Variants in FSTL5 observed in about 807,000 individuals in gnomAD.
FSTL5 encodes follistatin-related protein 5.
A neutral mutation model predicts 89.1 loss-of-function variants in FSTL5; 62 were observed. The observed-to-expected ratio is 0.70, with a 90% CI of 0.57 to 0.86. The LOEUF is 0.86. FSTL5 is among the 40% of genes least tolerant of loss of function. The pLI, the probability that FSTL5 is intolerant of heterozygous loss-of-function variation, is 0.00. For synonymous variants in FSTL5, 383 were observed against 346.2 expected, an observed-to-expected ratio of 1.11 and a Z score of -1.18; for missense variants, 1,057 against 1,001.6, an observed-to-expected ratio of 1.06 and a Z score of -0.75.
At chr4:161,825,762 T>C (rs1434449165) in intron 4 of FSTL5, among the ~76,000 whole-genome samples, 1 of 152,158 alleles carries the variant, frequency 6.6e-6, no homozygotes, top group Non-Finnish European at 1.5e-5. Context: ...TTTGAGCTTA[T>C]TTGGATCTTC....
rs201679037 is a variant in FSTL5 at position 161,416,856 on chromosome 4, A to AG, written c.1842-30408_1842-30407insC. 6.3e-3 allele frequency among the ~76,000 whole-genome samples: 946 copies of AG among 150,580 alleles called. 60 individuals carry two copies. Among genetic ancestry groups the AG allele is most frequent in the Admixed American group, 0.058 (873 of 15,010 alleles). On this transcript the variant is annotated intron_variant, in intron 15 of 15. Transcript: ENST00000306100. ...CGAGACTCCATCTCAAAAAAAAAAAAAAAAAGAAAGATTCTTCATGAAACC... is the reference window on the plus strand; with the variant it reads ...CGAGACTCCATCTCAAAAAAAAAAAAGAAAAAGAAAGATTCTTCATGAAACC...
At position 161,686,324 on chromosome 4, in the gene FSTL5, ATATATATATATATATATATATATTTTTT is replaced by A. The variant is rs1251964040; in HGVS notation, c.728-29858_728-29831del. On this transcript the variant is annotated intron_variant, in intron 6 of 15. Transcript: ENST00000306100. ...CTTTGCCATATATATATATATATAT[ATATATATATATATATATATATATTTTTT>A]TTTTTTTTTTTTTTTTTTTTTTTTG... 2.9e-3 allele frequency among the ~76,000 whole-genome samples: 20 copies of A among 6,994 alleles called. No individual in the cohort carries two copies. The South Asian group carries it at 0.093, about 33-fold the overall frequency. The allele number at this position is 6,994 out of a possible 152,430, so 4.6% of individuals were successfully genotyped here.
intron 10 of FSTL5, among the ~76,000 whole-genome samples, chr4:161,514,633 A>C (rs952792206): frequency 6.6e-6 from 1 of 152,192 alleles, no homozygotes; most frequent in African/African-American, 2.4e-5. Flanking sequence ...TAAATAGATA[A>C]ATAAATGGAG....
At chr4:161,998,604 T>C (rs938565820) in intron 3 of FSTL5, among the ~76,000 whole-genome samples, 4 of 152,204 alleles carry the variant, frequency 2.6e-5, no homozygotes, top group African/African-American at 7.2e-5. Flanking sequence ...GAAGTCTTCC[T>C]TGACATTTTT....
chr4:161,890,934 G>C (rs1365535549), intron 4 of FSTL5, among the ~76,000 whole-genome samples: 1 of 151,690 alleles, frequency 6.6e-6, no homozygotes, highest in Non-Finnish European at 1.5e-5. Flanking sequence ...TAACTCAAAG[G>C]CAACTAGTTT....
At chr4:161,525,695 A>C (rs1041851001) in intron 10 of FSTL5, among the ~76,000 whole-genome samples, 1 of 152,192 alleles carries the variant, frequency 6.6e-6, no homozygotes, top group African/African-American at 2.4e-5. Context: ...AAGGCATAGG[A>C]AAAATTAACT....
At chr4:161,741,954 A>G (rs10517752) in intron 6 of FSTL5, among the ~76,000 whole-genome samples, 24,029 of 151,968 alleles carry the variant, frequency 0.16, 2,346 homozygotes, top group African/African-American at 0.28. Flanking sequence ...GAGACTAGAA[A>G]GGACATGAAA....
At chr4:162,157,879 A>G (rs1733542457) in intron 1 of FSTL5, among the ~76,000 whole-genome samples, 1 of 152,072 alleles carries the variant, frequency 6.6e-6, no homozygotes, top group Admixed American at 6.6e-5. Flanking sequence ...CCTAAATGCT[A>G]TATGAAAACA....
chr4:162,011,532 C>T (rs775129536), intron 3 of FSTL5, among the ~76,000 whole-genome samples: 7 of 151,700 alleles, frequency 4.6e-5, no homozygotes, highest in South Asian at 2.1e-4. Flanking sequence ...TTGCTCTTGT[C>T]GCCCAGGCTG....
At chr4:161,610,385 T>C (rs1273296202) in intron 7 of FSTL5, among the ~76,000 whole-genome samples, 1 of 152,316 alleles carries the variant, frequency 6.6e-6, no homozygotes, top group African/African-American at 2.4e-5. Flanking sequence ...ACACCATGTA[T>C]AGCAATGAAA....
chr4:161,532,714 T>A (rs1731459071), intron 10 of FSTL5, among the ~76,000 whole-genome samples: 1 of 152,162 alleles, frequency 6.6e-6, no homozygotes, highest in Non-Finnish European at 1.5e-5. Flanking sequence ...AATTTTGGAC[T>A]TAAAATTGAC....
At chr4:161,544,621 A>G (rs1256935398) in intron 8 of FSTL5, among the ~76,000 whole-genome samples, 3 of 152,006 alleles carry the variant, frequency 2.0e-5, no homozygotes, top group Non-Finnish European at 4.4e-5. Flanking sequence ...ACACAGTTAA[A>G]TGGCATGTGG....
chr4:161,706,510 A>G (rs1738585755), intron 6 of FSTL5, among the ~76,000 whole-genome samples: 1 of 152,022 alleles, frequency 6.6e-6, no homozygotes, highest in Non-Finnish European at 1.5e-5. Flanking sequence ...TAAATGTCCT[A>G]TTGCCTATCG....
rs183410041 is a variant in FSTL5, at chr4:162,007,178, G to A, written c.160+26447C>T. The stretch of plus-strand genomic sequence containing the variant: ...TGTTTAATTTAAAATGACATAAAGC[G>A]AATTGCTATCCTAGAGGAGTGCTAT... On this transcript the variant is annotated intron_variant, in intron 3 of 15. Transcript: ENST00000306100. Among the ~76,000 whole-genome samples the A allele has an allele frequency of 1.3e-4, 20 of 151,810 alleles. No homozygotes were observed. The East Asian group carries it at 2.3e-3, about 18-fold the overall frequency.
chr4:161,836,701 C>G (rs1045765476), intron 4 of FSTL5, among the ~76,000 whole-genome samples: 1 of 151,256 alleles, frequency 6.6e-6, no homozygotes, highest in South Asian at 2.1e-4. Context: ...GTTGAGGATA[C>G]GTTGTTGAAG....
chr4:162,039,819 A>T (rs1190690192), intron 2 of FSTL5, among the ~76,000 whole-genome samples: 1 of 151,980 alleles, frequency 6.6e-6, no homozygotes, highest in South Asian at 2.1e-4. Context: ...CAGTAGTCAA[A>T]AGTGATATGT....
chr4:162,123,095 G>A (rs1047985013), intron 1 of FSTL5, among the ~76,000 whole-genome samples: 1 of 152,036 alleles, frequency 6.6e-6, no homozygotes, highest in Non-Finnish European at 1.5e-5. Flanking sequence ...TTTTGTCAAT[G>A]TCAGACAGAT....
chr4:161,920,672 T>C lies in FSTL5; in HGVS notation c.161-20A>G. The C allele has an allele frequency of 1.5e-6, 2 of 1,306,754 alleles. No individual in the cohort carries two copies. Among genetic ancestry groups the C allele is most frequent in the South Asian group, 1.3e-5 (1 of 77,244 alleles). The allele number at this position is 1,306,754 out of a possible 1,614,324, so 80.9% of individuals were successfully genotyped here. On this transcript the variant is annotated intron_variant, in intron 3 of 15. Coordinates refer to ENST00000306100, the MANE Select transcript of FSTL5 (RefSeq NM_020116.5). ...TAAATCCTGAAGAATTAAAAAAAAATTGAAAATCGTTTGGTTCATTTGTCC... is the reference window on the plus strand; with the variant it reads ...TAAATCCTGAAGAATTAAAAAAAAACTGAAAATCGTTTGGTTCATTTGTCC...
At chr4:161,803,491 G>A (rs1201468968) in intron 4 of FSTL5, among the ~76,000 whole-genome samples, 1 of 151,844 alleles carries the variant, frequency 6.6e-6, no homozygotes, top group East Asian at 1.9e-4. Flanking sequence ...TTTTCTATAT[G>A]TAAAGATAGT....
Sources: gnomAD v4.1 joint callset for allele counts (sites outside exome capture counted in the v4.1 genomes callset) on GRCh38, gnomAD v4.1.1 for gene constraint, MANE v1.5 for transcripts, NCBI Gene and HGNC (gene_info 2026-07-23, HGNC 2026-07-21) for gene names.